Variants in DNAI4 observed in about 807,000 individuals in gnomAD.
The protein encoded by DNAI4 is dynein axonemal intermediate chain 4, also known as WD repeat domain 78.
In DNAI4, 85 loss-of-function variants were observed where a neutral mutation model predicts 105.8. That is an observed-to-expected ratio of 0.80 (90% confidence interval 0.67 to 0.96). The LOEUF (loss-of-function observed/expected upper bound fraction) is 0.96, where lower values mean the gene tolerates loss of function less well. Ranked by LOEUF, DNAI4 falls within the 40% of genes least tolerant of loss-of-function variation. The probability of loss-of-function intolerance (pLI) is 0.00; values close to 1 mark genes in which losing one functional copy is unlikely to be tolerated. For missense variants in DNAI4, 1,014 were observed against 1,005.6 expected (o/e 1.01, Z -0.11); for synonymous variants, 352 against 331.5 (o/e 1.06, Z -0.67).
chr1:66,924,634 G>A, intron 1 of DNAI4, 28 bp downstream of exon 1: 2 of 1,614,224 alleles, frequency 1.2e-6, no homozygotes, highest in East Asian at 4.5e-5. Flanking sequence ...CAGGGGGATG[G>A]ACTACGGTTT....
intron 15 of DNAI4, among the ~76,000 whole-genome samples, chr1:66,824,575 T>C (rs1342362363): frequency 6.6e-6 from 1 of 151,612 alleles, no homozygotes; most frequent in Non-Finnish European, 1.5e-5. Context: ...TGTATCCTCT[T>C]TTATTTCCTT....
chr1:66,893,121 G>A, intron 3 of DNAI4, 108 bp downstream of exon 3: 1 of 527,666 alleles, frequency 1.9e-6, no homozygotes, highest in East Asian at 3.3e-5. Flanking sequence ...AAGAAAGAAA[G>A]AAACTGGGAG....
At chr1:66,830,502 C>T (rs1261119438) in intron 13 of DNAI4, among the ~76,000 whole-genome samples, 3 of 151,664 alleles carry the variant, frequency 2.0e-5, no homozygotes, top group Non-Finnish European at 2.9e-5. Flanking sequence ...TTAGGCCAGG[C>T]GCGGTGGCCG....
intron 4 of DNAI4, among the ~76,000 whole-genome samples, chr1:66,886,176 C>T (rs561873447): frequency 6.6e-6 from 1 of 152,138 alleles, no homozygotes; most frequent in Non-Finnish European, 1.5e-5. Flanking sequence ...TGATATCTAG[C>T]ATGTCATTTT....
intron 1 of DNAI4, among the ~76,000 whole-genome samples, chr1:66,907,531 A>G (rs1218917251): frequency 6.6e-6 from 1 of 152,042 alleles, no homozygotes. Flanking sequence ...AATCTTAGTT[A>G]CCTGATTTCT....
chr1:66,836,202 AAGAAAGAGAGAGAGAGAGAGAGAGAG>A (rs1645995124), intron 10 of DNAI4, among the ~76,000 whole-genome samples: 1 of 50,864 alleles, frequency 2.0e-5, no homozygotes, highest in African/African-American at 6.3e-5. Context: ...GAAAGAAAGA[AAGAAAGAGAGAGAGAGAGAGAGAGAG>A]AGAGAGAAAG....
intron 10 of DNAI4, among the ~76,000 whole-genome samples, chr1:66,836,212 G>GAA (rs770313664): frequency 5.9e-5 from 5 of 85,332 alleles, no homozygotes; most frequent in South Asian, 4.4e-4. Flanking sequence ...AAGAAAGAGA[G>GAA]AGAGAGAGAG....
intron 1 of DNAI4, chr1:66,921,244 A>G (rs1650456838): frequency 6.6e-6 from 1 of 152,258 alleles, no homozygotes. Flanking sequence ...ACAGAGAAAT[A>G]GGATGAAGAG....
At chr1:66,875,312 G>A (rs146270604) in intron 4 of DNAI4, among the ~76,000 whole-genome samples, 5 of 152,258 alleles carry the variant, frequency 3.3e-5, no homozygotes, top group East Asian at 1.9e-4. Flanking sequence ...TCTTTGAGCC[G>A]TGAAGTTAAC....
At chr1:66,902,647 T>G (rs945181734) in intron 2 of DNAI4, among the ~76,000 whole-genome samples, 1 of 152,242 alleles carries the variant, frequency 6.6e-6, no homozygotes, top group African/African-American at 2.4e-5. Flanking sequence ...TTCTTTTCCC[T>G]ATTTTCCTCT....
chr1:66,919,007 C>A (rs1359372538), intron 1 of DNAI4: 30 of 375,584 alleles, frequency 8.0e-5, no homozygotes, highest in Non-Finnish European at 3.2e-5. Flanking sequence ...AACCATTTGT[C>A]TCTCACCTAC....
Position 66,834,080 on chromosome 1 carries a change from G to A in DNAI4, c.1802C>T (p.Thr601Ile). 6.2e-7 allele frequency: 1 copy of A among 1,612,492 alleles called. No individual in the cohort carries two copies. Among genetic ancestry groups the A allele is most frequent in the Non-Finnish European group, 8.5e-7 (1 of 1,179,340 alleles). ...TAGTATTTCTCTTTTGCCATCTCCT[G>A]TTGTTCCTCGATCTTGTTCTATCCA... ...LQWIEQDRGT[T>I]GDGKREILVS... The change falls in exon 12 of 17, where the codon ACA becomes ATA. Residue 601 changes from threonine to isoleucine, a missense_variant. Physicochemically the swap from Thr to Ile is moderately conservative, Grantham distance 89. Transcript: ENST00000371026.
At chr1:66,831,869 T>A (rs1645873574) in intron 13 of DNAI4, among the ~76,000 whole-genome samples, 1 of 152,178 alleles carries the variant, frequency 6.6e-6, no homozygotes, top group African/African-American at 2.4e-5. Flanking sequence ...CTTGAATTCC[T>A]TATGCAAAGG....
intron 2 of DNAI4, among the ~76,000 whole-genome samples, chr1:66,895,031 A>T (rs1648193348): frequency 6.6e-6 from 1 of 152,202 alleles, no homozygotes; most frequent in South Asian, 2.1e-4. Context: ...GCTCTGCACA[A>T]ATATGTCTAT....
At chr1:66,900,993 A>G (rs1569843835) in intron 2 of DNAI4, among the ~76,000 whole-genome samples, 2 of 152,228 alleles carry the variant, frequency 1.3e-5, no homozygotes, top group African/African-American at 4.8e-5. Context: ...GCAATTAAGT[A>G]TAATGTTAGC....
chr1:66,827,009 T>A lies in DNAI4; in HGVS notation c.2150A>T (p.His717Leu). The A allele has an allele frequency of 6.2e-7, 1 of 1,613,848 alleles. No homozygotes were observed. Among genetic ancestry groups the A allele is most frequent in the Non-Finnish European group, 8.5e-7 (1 of 1,179,970 alleles). Residue 717 changes from histidine to leucine, a missense_variant, in exon 15 of 17, where the codon CAT (histidine) becomes CTT (leucine). Coordinates refer to ENST00000371026, the MANE Select transcript of DNAI4 (RefSeq NM_024763.5). ...VYKVTWNPFC[H>L]DVFLSCSADW... is the part of the protein sequence containing the mutation. ...TGCAGAACAGCTTAAAAATACATCA[T>A]GACAAAATGGATTCCATGTCACTTT...
At chr1:66,816,258 T>C (rs1230878062) in intron 16 of DNAI4, among the ~76,000 whole-genome samples, 1 of 152,164 alleles carries the variant, frequency 6.6e-6, no homozygotes, top group Non-Finnish European at 1.5e-5. Context: ...TAGTTTCCTT[T>C]GTATACCTCC....
intron 4 of DNAI4, among the ~76,000 whole-genome samples, chr1:66,879,928 C>T (rs1225973040): frequency 2.6e-5 from 4 of 152,200 alleles, no homozygotes; most frequent in African/African-American, 7.2e-5. Context: ...GTAACTCCCA[C>T]AGTTCCCACA....
intron 2 of DNAI4, 60 bp from the exon 3 acceptor site, chr1:66,893,473 G>A (rs868364041): frequency 7.4e-5 from 89 of 1,199,142 alleles, no homozygotes; most frequent in Middle Eastern, 2.1e-4. Context: ...CTAAATAACA[G>A]CTGCTAGAAA....
Sources: gnomAD v4.1 joint callset for allele counts (sites outside exome capture counted in the v4.1 genomes callset) on GRCh38, gnomAD v4.1.1 for gene constraint, MANE v1.5 for transcripts, NCBI Gene and HGNC (gene_info 2026-07-23, HGNC 2026-07-21) for gene names.